Variants in IFT57 observed in about 807,000 individuals in gnomAD.
IFT57 encodes the protein intraflagellar transport protein 57 homolog.
A neutral mutation model predicts 56.8 loss-of-function variants in IFT57; 59 were observed. The observed-to-expected ratio is 1.04, with a 90% CI of 0.84 to 1.29. IFT57 has a LOEUF of 1.29. IFT57 is among the 50% of genes most tolerant of loss of function. IFT57 has a pLI of 0.00. For synonymous variants in IFT57, 209 were observed against 186.1 expected (o/e 1.12, Z -1.00); for missense variants, 470 against 522.1 (o/e 0.90, Z 0.97).
At position 108,161,388 on chromosome 3, in the gene IFT57, T is replaced by C. The variant is rs2080031246; in HGVS notation, c.*1089A>G. 6.6e-6 allele frequency: 1 copy of C among 152,064 alleles called. No homozygotes were observed. Among genetic ancestry groups the C allele is most frequent in the African/African-American group, 2.4e-5 (1 of 41,418 alleles). 9.4% of individuals were successfully genotyped at this position (152,064 alleles called of 1,614,324 possible). ...CTGTGTATGTGAGCATGTTGGGGAA[T>C]ACATCTAGAAAGAAAAAGCTAAGAA... On this transcript the variant is annotated 3_prime_UTR_variant, in exon 11 of 11. Coordinates refer to ENST00000264538, the MANE Select transcript of IFT57 (RefSeq NM_018010.4).
chr3:108,200,709 A>G (rs1373059755), intron 5 of IFT57, among the ~76,000 whole-genome samples: 1 of 152,128 alleles, frequency 6.6e-6, no homozygotes, highest in East Asian at 1.9e-4. Context: ...TGTGACAGCA[A>G]ATTTAGTCTA....
intron 6 of IFT57, among the ~76,000 whole-genome samples, chr3:108,170,322 T>C (rs1358164516): frequency 6.6e-6 from 1 of 152,046 alleles, no homozygotes; most frequent in Non-Finnish European, 1.5e-5. Context: ...AAAATCAATG[T>C]GCAAAAATCA....
chr3:108,202,763 A>G (rs2080286137), intron 5 of IFT57, among the ~76,000 whole-genome samples: 1 of 152,372 alleles, frequency 6.6e-6, no homozygotes, highest in African/African-American at 2.4e-5. Flanking sequence ...AAAATCACAC[A>G]GAATGACTTT....
Position 108,188,990 on chromosome 3 carries a change from C to T in IFT57, c.777+2531G>A, listed in dbSNP as rs992198519. ...TTAAGCTGTACTTGAGAGTTTCCAA[C>T]TATACAATTATTTTAACACATCATT... is the stretch of plus-strand genomic sequence containing the variant. On this transcript the variant is annotated intron_variant, in intron 6 of 10. Transcript: ENST00000264538. 1.3e-5 allele frequency among the ~76,000 whole-genome samples: 2 copies of T among 152,144 alleles called. 1 individual carries two copies. The highest frequency in any genetic ancestry group is 4.1e-4 in the South Asian group (2 of 4,836).
At chr3:108,174,829 A>C (rs2080115252) in intron 6 of IFT57, among the ~76,000 whole-genome samples, 1 of 151,850 alleles carries the variant, frequency 6.6e-6, no homozygotes, top group African/African-American at 2.4e-5. Flanking sequence ...GAAACATAGA[A>C]TCTAGCTGGA....
chr3:108,204,772 A>T (rs1352039705), intron 5 of IFT57, among the ~76,000 whole-genome samples: 29 of 152,206 alleles, frequency 1.9e-4, no homozygotes, highest in Admixed American at 1.8e-3. Context: ...AAAAAGCAAT[A>T]GACTTGGAGT....
intron 6 of IFT57, among the ~76,000 whole-genome samples, chr3:108,186,347 G>A (rs1175679739): frequency 6.6e-6 from 1 of 151,792 alleles, no homozygotes; most frequent in Non-Finnish European, 1.5e-5. Context: ...TGTTGGTGGG[G>A]ATAACAGGTT....
chr3:108,216,854 T>G (rs932467687), intron 3 of IFT57, among the ~76,000 whole-genome samples: 10 of 152,046 alleles, frequency 6.6e-5, no homozygotes, highest in Admixed American at 2.0e-4. Context: ...CTATGTCAAG[T>G]GAAATAAGCC....
At chr3:108,216,131 T>G (rs72935713) in intron 3 of IFT57, among the ~76,000 whole-genome samples, 7 of 151,934 alleles carry the variant, frequency 4.6e-5, no homozygotes, top group Admixed American at 3.9e-4. Context: ...AATAAACAAA[T>G]GCGATTACAT....
intron 6 of IFT57, among the ~76,000 whole-genome samples, chr3:108,189,132 A>C (rs560928454): frequency 1.3e-5 from 2 of 152,244 alleles, no homozygotes; most frequent in Non-Finnish European, 2.9e-5. Flanking sequence ...GATTTTGCTT[A>C]ATCAGTGAAG....
chr3:108,188,690 TC>T (rs1306462878), intron 6 of IFT57, among the ~76,000 whole-genome samples: 120 of 152,306 alleles, frequency 7.9e-4, no homozygotes, highest in African/African-American at 2.9e-3. Flanking sequence ...AACTTTCAAC[TC>T]ATTAATTTTT....
chr3:108,167,549 G>A (rs2080069426), intron 7 of IFT57, among the ~76,000 whole-genome samples: 1 of 149,374 alleles, frequency 6.7e-6, no homozygotes, highest in South Asian at 2.1e-4. Flanking sequence ...TCTAATATAT[G>A]TATTATCTAT....
At chr3:108,206,404 A>C (rs1354519406) in intron 5 of IFT57, among the ~76,000 whole-genome samples, 2 of 151,974 alleles carry the variant, frequency 1.3e-5, no homozygotes, top group Non-Finnish European at 2.9e-5. Context: ...GAGTAGCACT[A>C]TGTCAATTTT....
At chr3:108,165,194 T>C (rs904172241) in intron 9 of IFT57, among the ~76,000 whole-genome samples, 3 of 152,126 alleles carry the variant, frequency 2.0e-5, no homozygotes, top group Admixed American at 6.6e-5. Context: ...ATAAGTGTGC[T>C]AATATTATGA....
At chr3:108,199,197 C>T (rs920747832) in intron 5 of IFT57, among the ~76,000 whole-genome samples, 2 of 151,888 alleles carry the variant, frequency 1.3e-5, no homozygotes, top group South Asian at 2.1e-4. Context: ...AAAAAACCCA[C>T]GGAACATATT....
At chr3:108,215,716 A>T (rs1165285146) in intron 3 of IFT57, among the ~76,000 whole-genome samples, 1 of 152,230 alleles carries the variant, frequency 6.6e-6, no homozygotes, top group Non-Finnish European at 1.5e-5. Flanking sequence ...TTTGACATTT[A>T]GATATATAAA....
At chr3:108,169,302 G>A (rs190931110) in intron 6 of IFT57, among the ~76,000 whole-genome samples, 4 of 151,606 alleles carry the variant, frequency 2.6e-5, no homozygotes, top group East Asian at 1.9e-4. Flanking sequence ...TCTGAGAAGC[G>A]TCTGTTCATA....
At chr3:108,174,273 A>C (rs2080112007) in intron 6 of IFT57, among the ~76,000 whole-genome samples, 1 of 151,662 alleles carries the variant, frequency 6.6e-6, no homozygotes, top group South Asian at 2.1e-4. Context: ...AAAAAGGCAA[A>C]ATATATATCT....
Position 108,222,203 on chromosome 3 carries a change from C to A in IFT57, c.120G>T (p.Met40Ile), listed in dbSNP as rs186339072. The change falls in exon 1 of 11, where the codon ATG becomes ATT. Residue 40 changes from methionine (M) to isoleucine (I), a missense_variant. By Grantham distance (10) the Met-to-Ile change is conservative (BLOSUM62 1). Coordinates refer to ENST00000264538, the MANE Select transcript of IFT57 (RefSeq NM_018010.4). ...LERGPGAAYH[M>I]FVVMEDLVEK... ...CCACCAAGTCCTCCATCACCACGAA[C>A]ATGTGGTAGGCCGCGCCGGGCCCCC... 6.2e-7 allele frequency: 1 copy of A among 1,614,174 alleles called. No homozygotes were observed. Among genetic ancestry groups the A allele is most frequent in the Non-Finnish European group, 8.5e-7 (1 of 1,180,036 alleles).
Sources: allele counts gnomAD v4.1 joint callset (sites outside exome capture counted in the v4.1 genomes callset), GRCh38; gene constraint gnomAD v4.1.1; transcripts MANE v1.5; gene names NCBI Gene and HGNC (gene_info 2026-07-23, HGNC 2026-07-21).